GALK2: variants seen among roughly 807,000 people sequenced by gnomAD.
The protein encoded by GALK2 is galactokinase 2.
In GALK2, 36 loss-of-function variants were observed where a neutral mutation model predicts 52.4. That is an observed-to-expected ratio of 0.69 (90% CI 0.53 to 0.91). GALK2 has a LOEUF of 0.91. GALK2 is among the 40% of genes least tolerant of loss of function. GALK2 has a pLI of 0.00. For synonymous variants in GALK2, 176 were observed against 199.1 expected, an observed-to-expected ratio of 0.88 and a Z score of 0.98; for missense variants, 579 against 559.1, an observed-to-expected ratio of 1.04 and a Z score of -0.36.
At position 49,222,494 on chromosome 15, in the gene GALK2, ACTTTT is replaced by A. The variant is rs1182123184; in HGVS notation, c.266+5186_266+5190del. 2.6e-5 allele frequency among the ~76,000 whole-genome samples: 4 copies of A among 152,262 alleles called. No homozygotes were observed. The East Asian group carries it at 7.7e-4, about 29-fold the overall frequency. Reference sequence around the variant, plus strand: ...TCCAGGTTTTACAGGAAAGGCTTCAACTTTTCTTTATTTGATATGATGTTAGCTGT... The same window carrying A: ...TCCAGGTTTTACAGGAAAGGCTTCAACTTTATTTGATATGATGTTAGCTGT... On this transcript the variant is annotated intron_variant, in intron 3 of 9. Coordinates refer to ENST00000560031, the MANE Select transcript of GALK2 (RefSeq NM_002044.4).
intron 1 of GALK2, among the ~76,000 whole-genome samples, chr15:49,196,929 A>C (rs1484622490): frequency 6.6e-6 from 1 of 152,184 alleles, no homozygotes; most frequent in East Asian, 1.9e-4. Context: ...GCCTCTACAA[A>C]AAATTAAAAA....
intron 1 of GALK2, chr15:49,156,270 C>T (rs1011547701): frequency 6.0e-6 from 3 of 498,960 alleles, no homozygotes; most frequent in Non-Finnish European, 7.3e-6. Context: ...AAGGTAACAA[C>T]GACTGGTTTT....
intron 8 of GALK2, among the ~76,000 whole-genome samples, chr15:49,306,523 A>T (rs1290129442): frequency 6.6e-6 from 1 of 152,116 alleles, no homozygotes; most frequent in Non-Finnish European, 1.5e-5. Context: ...GTAAGCACTA[A>T]TTTTTCTTTT....
intron 8 of GALK2, among the ~76,000 whole-genome samples, chr15:49,312,549 C>G (rs2036078564): frequency 6.6e-6 from 1 of 152,148 alleles, no homozygotes; most frequent in Non-Finnish European, 1.5e-5. Context: ...TACTACTGTC[C>G]TCTCTCCCTC....
chr15:49,326,596 C>G (rs1015584780), intron 9 of GALK2, among the ~76,000 whole-genome samples: 6 of 152,060 alleles, frequency 3.9e-5, no homozygotes, highest in African/African-American at 1.4e-4. Flanking sequence ...GGCCCTTTGC[C>G]AACCTAGAAA....
At chr15:49,282,380 C>T (rs565074140) in intron 6 of GALK2, among the ~76,000 whole-genome samples, 47 of 152,186 alleles carry the variant, frequency 3.1e-4, no homozygotes, top group African/African-American at 1.1e-3. Context: ...GATGAGCTTT[C>T]TCAATTCCCT....
intron 1 of GALK2, chr15:49,178,398 T>G: frequency 5.7e-6 from 1 of 175,068 alleles, no homozygotes. Context: ...TATATGTGAA[T>G]TCAGGACTCT....
At chr15:49,170,138 G>C, upstream of GALK2, 1 of 1,387,950 alleles carries the variant, frequency 7.2e-7, no homozygotes, top group Non-Finnish European at 9.5e-7. Context: ...GCTGAGTCCA[G>C]GGAGGAGGAG....
intron 1 of GALK2, among the ~76,000 whole-genome samples, chr15:49,184,937 C>A (rs1275140195): frequency 2.0e-5 from 3 of 152,090 alleles, no homozygotes; most frequent in African/African-American, 7.2e-5. Context: ...TTGTGTCCTT[C>A]TTATTACCAG....
chr15:49,247,250 G>A (rs1017623015), intron 5 of GALK2, among the ~76,000 whole-genome samples: 5 of 152,110 alleles, frequency 3.3e-5, no homozygotes, highest in African/African-American at 1.2e-4. Context: ...TGGGAGGTGA[G>A]TTGAGAGAGT....
rs1354290775 is a variant in GALK2 at position 49,160,313 on chromosome 15, T to C, written c.20+4297T>C. ...AAAGATTAATAATAATTCCCTATCA[T>C]TCAATATCCAGTCTATATTCAAAAT... is the stretch of plus-strand genomic sequence containing the variant. On this transcript the variant is annotated intron_variant, in intron 1 of 9. Transcript: ENST00000327171. Among the ~76,000 whole-genome samples the C allele has an allele frequency of 2.0e-5, 3 of 152,084 alleles. No individual in the cohort carries two copies. The East Asian group carries it at 5.8e-4, about 29-fold the overall frequency.
chr15:49,221,451 A>C (rs977409452), intron 3 of GALK2, among the ~76,000 whole-genome samples: 1 of 149,496 alleles, frequency 6.7e-6, no homozygotes, highest in Non-Finnish European at 1.5e-5. Flanking sequence ...AGATCACCTG[A>C]GGTCAGGAGT....
chr15:49,158,282 T>C (rs926881937), intron 1 of GALK2, among the ~76,000 whole-genome samples: 7 of 152,220 alleles, frequency 4.6e-5, no homozygotes, highest in African/African-American at 1.7e-4. Flanking sequence ...GATGACGGAA[T>C]GAGGCATTTG....
At chr15:49,186,697 C>G (rs1049797847) in intron 1 of GALK2, among the ~76,000 whole-genome samples, 1 of 151,916 alleles carries the variant, frequency 6.6e-6, no homozygotes, top group Non-Finnish European at 1.5e-5. Context: ...CACTACCACA[C>G]CCAGCTAATT....
At chr15:49,200,065 T>A (rs977699823) in intron 1 of GALK2, among the ~76,000 whole-genome samples, 27 of 152,216 alleles carry the variant, frequency 1.8e-4, no homozygotes, top group African/African-American at 6.5e-4. Context: ...AATAAATGTT[T>A]ATCATCCTGG....
intron 3 of GALK2, chr15:49,365,277 T>G (rs1055226616): frequency 9.0e-6 from 13 of 1,450,712 alleles, no homozygotes; most frequent in African/African-American, 8.4e-5. Context: ...AGTGTGCAAG[T>G]TACTAAATAG....
At chr15:49,177,712 C>A (rs915223813) in intron 1 of GALK2, 1 of 709,982 alleles carries the variant, frequency 1.4e-6, no homozygotes, top group Non-Finnish European at 2.1e-6. Context: ...GATCTTTCGG[C>A]CTGCAGATGT....
At chr15:49,171,580 TATTA>T (rs2085100024) in intron 1 of GALK2, among the ~76,000 whole-genome samples, 1 of 152,178 alleles carries the variant, frequency 6.6e-6, no homozygotes, top group Non-Finnish European at 1.5e-5. Flanking sequence ...CATGATTTCT[TATTA>T]TAGAGTCCAG....
intron 1 of GALK2, among the ~76,000 whole-genome samples, chr15:49,161,480 C>T (rs186151442): frequency 4.3e-4 from 65 of 152,250 alleles, no homozygotes; most frequent in Middle Eastern, 6.8e-3. Context: ...ATACTTTATA[C>T]CGTTAAGATA....
Sources: gnomAD v4.1 joint callset for allele counts (sites outside exome capture counted in the v4.1 genomes callset) on GRCh38, gnomAD v4.1.1 for gene constraint, MANE v1.5 for transcripts, NCBI Gene and HGNC (gene_info 2026-07-23, HGNC 2026-07-21) for gene names.